CILP2: variants seen among roughly 807,000 people sequenced by gnomAD.
The protein encoded by CILP2 is CILP-2.
In CILP2, 38 loss-of-function variants were observed where a neutral mutation model predicts 45.6. The observed-to-expected ratio is 0.83, with a 90% CI of 0.64 to 1.09. The LOEUF (loss-of-function observed/expected upper bound fraction) is 1.09, where lower values mean the gene tolerates loss of function less well. CILP2 is among the 50% of genes least tolerant of loss of function. The pLI is 0.00. For missense variants in CILP2, 1,735 were observed against 1,662.2 expected (o/e 1.04, Z -0.76); for synonymous variants, 780 against 723.5 (o/e 1.08, Z -1.25).
chr19:19,538,538 C>A, intron 1 of CILP2, 125 bp downstream of exon 1: 1 of 712,110 alleles, frequency 1.4e-6, no homozygotes, highest in Non-Finnish European at 2.1e-6. Flanking sequence ...GGACTGGGTC[C>A]CCTTCACCAG....
In CILP2 at chr19:19,543,345, T is replaced by G. The variant is rs753876811; in HGVS notation, c.1075T>G (p.Cys359Gly). 1.2e-6 allele frequency: 2 copies of G among 1,613,674 alleles called. No homozygotes were observed. Among genetic ancestry groups the G allele is most frequent in the Non-Finnish European group, 1.7e-6 (2 of 1,179,992 alleles). ...CCCAGACCAGGCTGGCATCTACCAC[T>G]GCAAGGCATGGAATGAGGCGGGTGC... ...LRPDQAGIYHCKAWNEAGAVR... is the reference protein window; with the variant it reads ...LRPDQAGIYHGKAWNEAGAVR... Residue 359 changes from cysteine to glycine, a missense_variant, in exon 7 of 8, where the codon TGC becomes GGC. Transcript: ENST00000291495.
intron 5 of CILP2, 24 bp downstream of exon 5, chr19:19,542,674 C>T (rs767596093): frequency 6.2e-6 from 10 of 1,607,884 alleles, no homozygotes; most frequent in Non-Finnish European, 7.7e-6. Context: ...CAACATGGGG[C>T]ATGAAGGGGC....
Position 19,545,634 on chromosome 19 carries a change from A to T in CILP2, c.3089A>T (p.Tyr1030Phe). The T allele has an allele frequency of 6.2e-7, 1 of 1,608,324 alleles. No homozygotes were observed. Among genetic ancestry groups the T allele is most frequent in the Non-Finnish European group, 8.5e-7 (1 of 1,177,200 alleles). ...RVAVNGLLRD[Y>F]LTRHPPPVPA... ...GCCGTCAACGGACTCCTTCGGGATT[A>T]CCTGACCCGGCACCCCCCACCGGTG... The change falls in exon 8 of 8, where the codon TAC becomes TTC. Residue 1030 changes from tyrosine to phenylalanine, a missense_variant. Transcript: ENST00000291495.
In CILP2 at chr19:19,538,371, CTCTG is replaced by C. The variant is rs760952634; in HGVS notation, c.26_29del (p.Cys9SerfsTer106). On this transcript the variant is annotated frameshift_variant, in exon 1 of 8. Coordinates refer to ENST00000291495, the MANE Select transcript of CILP2 (RefSeq NM_153221.2). LOFTEE classifies it high-confidence loss of function. ...GGCCATGGCGTCGCTGCTGCCACTGCTCTGTCTCTGTGTCGTCGCTGCGCACCTG... is the reference window on the plus strand; with the variant it reads ...GGCCATGGCGTCGCTGCTGCCACTGCTCTCTGTGTCGTCGCTGCGCACCTG... 1.3e-6 allele frequency: 2 copies of C among 1,581,430 alleles called. No individual in the cohort carries two copies. Among genetic ancestry groups the C allele is most frequent in the South Asian group, 1.1e-5 (1 of 89,564 alleles).
chr19:19,541,053 GA>G, intron 3 of CILP2, 37 bp from the exon 4 acceptor site: 1 of 1,245,008 alleles, frequency 8.0e-7, no homozygotes, highest in Non-Finnish European at 1.0e-6. Context: ...AGTTCCTGGG[GA>G]GGGCGGCCAC....
Position 19,544,656 on chromosome 19 carries a change from GC to G in CILP2, c.2116del (p.Arg706GlyfsTer34). The G allele has an allele frequency of 3.9e-6, 6 of 1,553,264 alleles. No homozygotes were observed. Among genetic ancestry groups the G allele is most frequent in the Non-Finnish European group, 4.3e-6 (5 of 1,157,740 alleles). ...GGCTTCCGGCGCGAGGGGTCCTCGG[GC>G]CCCCGGGTGCGCCGGGAGGAGCGCG... Reference protein sequence around the residue: ...ESGFRREGSSGPRVRREERVF... With the variant: ...ESGFRREGSSXPRVRREERVF... On this transcript the variant is annotated frameshift_variant, in exon 8 of 8. Coordinates refer to ENST00000291495, the MANE Select transcript of CILP2 (RefSeq NM_153221.2). LOFTEE classifies it low-confidence loss of function (END_TRUNC).
rs189488279 is a variant in CILP2, at chr19:19,544,928, G to A, written c.2383G>A (p.Ala795Thr). 1.4e-5 allele frequency: 22 copies of A among 1,591,510 alleles called. No homozygotes were observed. The highest frequency in any genetic ancestry group is 2.2e-5 in the East Asian group (1 of 44,686). Residue 795 changes from alanine to threonine, a missense_variant, in exon 8 of 8, where the codon GCC becomes ACC. Physicochemically the swap from Ala to Thr is moderately conservative, Grantham distance 58. Coordinates refer to ENST00000291495, the MANE Select transcript of CILP2 (RefSeq NM_153221.2). The stretch of plus-strand genomic sequence containing the variant: ...CGGCCCCAATGGCGCCTGCCTCCCC[G>A]CCTTCTGCGACGCCGACAGGCCAGA... ...VTGPNGACLP[A>T]FCDADRPDAY... is the part of the protein sequence containing the mutation.
At position 19,538,414 on chromosome 19, in the gene CILP2, G is replaced by T. The variant is rs1225247167; in HGVS notation, c.64+1G>T. 1.3e-6 allele frequency: 2 copies of T among 1,546,372 alleles called. No homozygotes were observed. On this transcript the variant is annotated splice_donor_variant, in intron 1 of 7. Transcript: ENST00000291495. LOFTEE classifies it high-confidence loss of function. Reference sequence around the variant, plus strand: ...GCTGCGCACCTGGCGGGGGCCCGAGGTGAGGCGCCTCCAGCCCCCGCGCCC... The same window carrying T: ...GCTGCGCACCTGGCGGGGGCCCGAGTTGAGGCGCCTCCAGCCCCCGCGCCC...
chr19:19,538,493 G>A, intron 1 of CILP2, 80 bp downstream of exon 1: 1 of 1,182,606 alleles, frequency 8.5e-7, no homozygotes, highest in Non-Finnish European at 1.1e-6. Flanking sequence ...AGCCGCACTC[G>A]GGGAGAGAAC....
At position 19,543,869 on chromosome 19, in the gene CILP2, C is replaced by T. The variant is rs566626433; in HGVS notation, c.1324C>T (p.Arg442Cys). The T allele has an allele frequency of 1.4e-5, 23 of 1,613,880 alleles. No individual in the cohort carries two copies. The East Asian group carries it at 1.6e-4, about 11-fold the overall frequency. The change falls in exon 8 of 8, where the codon CGT becomes TGT. Residue 442 changes from arginine (R) to cysteine (C), a missense_variant. Arg to Cys is a radical substitution (Grantham distance 180). Transcript: ENST00000291495. The part of the protein sequence containing the change: ...DASSRCCSVR[R>C]LERREIHCPG... ...CAGCTCCCGCTGCTGCTCTGTGCGC[C>T]GTCTGGAGAGAAGGGAGATTCACTG...
intron 1 of CILP2, 57 bp downstream of exon 1, chr19:19,538,470 C>A: frequency 7.4e-7 from 1 of 1,359,660 alleles, no homozygotes. Flanking sequence ...GCCTGGCAGC[C>A]GGCCTTGGGT....
chr19:19,539,891 G>T (rs1440209737), intron 2 of CILP2, 114 bp downstream of exon 2: 2 of 860,928 alleles, frequency 2.3e-6, no homozygotes, highest in Non-Finnish European at 3.4e-6. Flanking sequence ...GCCCGGCGCC[G>T]TCCTGGTCCC....
At position 19,544,577 on chromosome 19, in the gene CILP2, G is replaced by T. The variant is rs771547386; in HGVS notation, c.2032G>T (p.Ala678Ser). The T allele has an allele frequency of 6.3e-7, 1 of 1,575,004 alleles. No individual in the cohort carries two copies. Among genetic ancestry groups the T allele is most frequent in the East Asian group, 2.2e-5 (1 of 44,514 alleles). ...SQIHMPGHVE[A>S]LKLWSLNPET... ...GATCCACATGCCAGGCCACGTGGAG[G>T]CCCTCAAGCTGTGGTCGCTGAACCC... Residue 678 changes from alanine (A) to serine (S), a missense_variant, in exon 8 of 8, where the codon GCC (alanine) becomes TCC (serine). Physicochemically the swap from Ala to Ser is moderately conservative, Grantham distance 99 (BLOSUM62 1). Transcript: ENST00000291495.
rs530620999 is a variant in CILP2 at position 19,544,245 on chromosome 19, G to A, written c.1700G>A (p.Ser567Asn). The A allele has an allele frequency of 5.0e-6, 8 of 1,613,852 alleles. No individual in the cohort carries two copies. The South Asian group carries it at 8.8e-5, about 18-fold the overall frequency. Residue 567 changes from serine (S) to asparagine (N), a missense_variant, in exon 8 of 8, where the codon AGC becomes AAC. Transcript: ENST00000291495. ...CCGGTCATTTTACATACCAGCCAGA[G>A]CAACACGATCCCCCTGGGCGAGCTG... ...KAPVILHTSQ[S>N]NTIPLGELED...
chr19:19,539,771 T>G lies in CILP2; in HGVS notation c.157T>G (p.Trp53Gly), dbSNP rs756290080. 4 of 1,587,014 alleles carry G rather than the reference T, an allele frequency of 2.5e-6. No homozygotes were observed. Among genetic ancestry groups the G allele is most frequent in the Non-Finnish European group, 3.4e-6 (4 of 1,164,300 alleles). Residue 53 changes from tryptophan to glycine, a missense_variant, in exon 2 of 8, where the codon TGG (tryptophan) becomes GGG (glycine). Trp to Gly is a radical substitution (Grantham distance 184). Coordinates refer to ENST00000291495, the MANE Select transcript of CILP2 (RefSeq NM_153221.2). ...CCAGCCCTCACCAGCCCTGGAGGAC[T>G]GGGAAGGTGAGTTAGCCTGCCTCGG... The part of the protein sequence containing the change: ...TGQPSPALED[W>G]EEASEWTSWF...
rs749325054 is a variant in CILP2 at position 19,539,785 on chromosome 19, A to T, written c.163+8A>T. The T allele has an allele frequency of 8.3e-6, 13 of 1,568,452 alleles. No individual in the cohort carries two copies. The highest frequency in any genetic ancestry group is 1.1e-5 in the Non-Finnish European group (13 of 1,155,106). On this transcript the variant is annotated splice_region_variant and intron_variant, in intron 2 of 7. Coordinates refer to ENST00000291495, the MANE Select transcript of CILP2 (RefSeq NM_153221.2). ...CCCTGGAGGACTGGGAAGGTGAGTTAGCCTGCCTCGGAGTCCCGTCTCTGC... is the reference window on the plus strand; with the variant it reads ...CCCTGGAGGACTGGGAAGGTGAGTTTGCCTGCCTCGGAGTCCCGTCTCTGC...
rs2061255412 is a variant in CILP2, at chr19:19,544,377, A to AC, written c.1837dup (p.Arg613ProfsTer12). ...GTGGAGGCCCGGGTGACGTTCGTGG[A>AC]CCCCCGAGACCTCACCTCGGCGGCG... is the stretch of plus-strand genomic sequence containing the variant. On this transcript the variant is annotated frameshift_variant, in exon 8 of 8. Coordinates refer to ENST00000291495, the MANE Select transcript of CILP2 (RefSeq NM_153221.2). LOFTEE classifies it low-confidence loss of function (END_TRUNC). 2 of 1,608,142 alleles carry AC rather than the reference A, an allele frequency of 1.2e-6. No homozygotes were observed. The highest frequency in any genetic ancestry group is 1.7e-6 in the Non-Finnish European group (2 of 1,178,550).
At position 19,543,804 on chromosome 19, in the gene CILP2, G is replaced by T; in HGVS notation, c.1259G>T (p.Cys420Phe). ...LDVGLCPDTRCPSLAGSSPRC... is the reference protein window; with the variant it reads ...LDVGLCPDTRFPSLAGSSPRC... ...GTGGGCCTCTGTCCCGACACCCGCT[G>T]CCCCAGCCTGGCAGGCTCCAGCCCC... Residue 420 changes from cysteine to phenylalanine, a missense_variant, in exon 8 of 8, where the codon TGC becomes TTC. Physicochemically the swap from Cys to Phe is radical, Grantham distance 205 (BLOSUM62 -2). Transcript: ENST00000291495. 1 of 1,613,848 alleles carries T rather than the reference G, an allele frequency of 6.2e-7. No homozygotes were observed. The highest frequency in any genetic ancestry group is 1.3e-5 in the African/African-American group (1 of 75,048).
Position 19,544,668 on chromosome 19 carries a change from G to A in CILP2, c.2123G>A (p.Arg708His), listed in dbSNP as rs775642324. 1 of 1,561,690 alleles carries A rather than the reference G, an allele frequency of 6.4e-7. No individual in the cohort carries two copies. The highest frequency in any genetic ancestry group is 8.6e-7 in the Non-Finnish European group (1 of 1,161,242). Residue 708 changes from arginine to histidine, a missense_variant, in exon 8 of 8, where the codon CGC becomes CAC. By Grantham distance (29) the Arg-to-His change is conservative. Coordinates refer to ENST00000291495, the MANE Select transcript of CILP2 (RefSeq NM_153221.2). ...GAGGGGTCCTCGGGCCCCCGGGTGC[G>A]CCGGGAGGAGCGCGTCTTCCTGGTG... Reference protein sequence around the residue: ...RREGSSGPRVRREERVFLVGN... With the variant: ...RREGSSGPRVHREERVFLVGN...
Sources: gnomAD v4.1 joint callset for allele counts on GRCh38, gnomAD v4.1.1 for gene constraint, MANE v1.5 for transcripts, NCBI Gene and HGNC (gene_info 2026-07-23, HGNC 2026-07-21) for gene names.